CMIP: variants seen among roughly 807,000 people sequenced by gnomAD.
The protein encoded by CMIP is C-Maf-inducing protein.
In CMIP, 13 loss-of-function variants were observed where a neutral mutation model predicts 97.3. That is an observed-to-expected ratio of 0.13 (90% CI 0.09 to 0.21). The LOEUF is 0.21. CMIP is among the 10% of genes least tolerant of loss of function. The pLI is 1.00. For synonymous variants in CMIP, 538 were observed against 436.3 expected (o/e 1.23, Z -2.91); for missense variants, 847 against 1,024.9 (o/e 0.83, Z 2.37).
At chr16:81,539,377 C>A (rs1242401653) in intron 1 of CMIP, among the ~76,000 whole-genome samples, 1 of 152,000 alleles carries the variant, frequency 6.6e-6, no homozygotes, top group Non-Finnish European at 1.5e-5. Flanking sequence ...TTCAGGGGGT[C>A]TTGAAACCAA....
intron 10 of CMIP, among the ~76,000 whole-genome samples, chr16:81,683,756 C>CTTTTTTTTTTTTTTTTTTTTTTTTTTTT (rs71272426): frequency 2.5e-5 from 2 of 81,616 alleles, no homozygotes; most frequent in African/African-American, 5.2e-5. Flanking sequence ...TTTTCTTTTT[C>CTTTTTTTTTTTTTTTTTTTTTTTTTTTT]TTTTTTTTTT....
At chr16:81,682,308 T>G (rs189928177) in intron 10 of CMIP, among the ~76,000 whole-genome samples, 93 of 152,292 alleles carry the variant, frequency 6.1e-4, no homozygotes, top group African/African-American at 2.2e-3. Context: ...CTCACACCTG[T>G]AATCCCAGCA....
intron 20 of CMIP, among the ~76,000 whole-genome samples, chr16:81,708,409 T>C (rs1172495277): frequency 6.6e-6 from 1 of 150,498 alleles, no homozygotes; most frequent in East Asian, 1.9e-4. Flanking sequence ...CTGGATTATC[T>C]TGAGTTCAAA....
chr16:81,706,557 CTG>C (rs1908164749), intron 19 of CMIP, among the ~76,000 whole-genome samples: 1 of 152,238 alleles, frequency 6.6e-6, no homozygotes, highest in African/African-American at 2.4e-5. Context: ...CTCAGCGTCT[CTG>C]GGAGTGGGTG....
chr16:81,655,380 C>T lies in CMIP; in HGVS notation c.640-2395C>T, dbSNP rs1053131466. 1.3e-5 allele frequency among the ~76,000 whole-genome samples: 2 copies of T among 152,150 alleles called. No individual in the cohort carries two copies. The highest frequency in any genetic ancestry group is 2.4e-5 in the African/African-American group (1 of 41,434). ...AGCTGCTAAGGACGCAAAACAGTTC[C>T]GAGAAAGAACTGTCCGTCCACCAGC... is the stretch of plus-strand genomic sequence containing the variant. On this transcript the variant is annotated intron_variant, in intron 4 of 20. Transcript: ENST00000537098. This position sits in a 1 kb window ranked among gnomAD's most constrained non-coding sequence, Gnocchi z 4.9.
chr16:81,599,111 AC>A (rs2091615081), intron 1 of CMIP, among the ~76,000 whole-genome samples: 2 of 152,086 alleles, frequency 1.3e-5, no homozygotes. Context: ...AGACACAGTC[AC>A]CCCAACTCTG....
chr16:81,528,709 C>T (rs568635652), intron 1 of CMIP, among the ~76,000 whole-genome samples: 1 of 152,198 alleles, frequency 6.6e-6, no homozygotes, highest in Non-Finnish European at 1.5e-5. Flanking sequence ...GCTTCTTCCT[C>T]ATGTTGTTAA....
chr16:81,678,308 G>T lies in CMIP; in HGVS notation c.1068G>T (p.Arg356=). Reference sequence around the variant, plus strand: ...ATTCCCCAAGCCTGAAGGAAATCCGGAACGGCTGCCAGCAGCCGTGCGACC... The same window carrying T: ...ATTCCCCAAGCCTGAAGGAAATCCGTAACGGCTGCCAGCAGCCGTGCGACC... ...RDNSPSLKEI[R]NGCQQPCDRK... The change falls in exon 10 of 21, where the codon CGG becomes CGT. Residue 356 remains arginine, a synonymous_variant. Transcript: ENST00000537098. The T allele has an allele frequency of 1.9e-6, 3 of 1,607,302 alleles. No homozygotes were observed. Among genetic ancestry groups the T allele is most frequent in the Non-Finnish European group, 2.5e-6 (3 of 1,176,872 alleles).
At chr16:81,622,583 T>C (rs1043892154) in intron 3 of CMIP, among the ~76,000 whole-genome samples, 1 of 152,058 alleles carries the variant, frequency 6.6e-6, no homozygotes, top group Non-Finnish European at 1.5e-5. Flanking sequence ...CAGCCTTGCA[T>C]TTTCTCTTAG....
intron 1 of CMIP, among the ~76,000 whole-genome samples, chr16:81,475,860 G>A (rs748415242): frequency 5.3e-5 from 8 of 151,886 alleles, no homozygotes; most frequent in African/African-American, 9.7e-5. Context: ...GGTGGGGGGC[G>A]CCTGTAGTCT....
intron 20 of CMIP, 54 bp from the exon 21 acceptor site, chr16:81,709,692 G>C (rs1009280593): frequency 1.4e-5 from 22 of 1,601,468 alleles, no homozygotes; most frequent in African/African-American, 4.0e-5. Flanking sequence ...GGCACTGGCA[G>C]CTTCTGCAAG....
At chr16:81,497,779 C>T (rs995669406) in intron 1 of CMIP, among the ~76,000 whole-genome samples, 1 of 152,242 alleles carries the variant, frequency 6.6e-6, no homozygotes, top group Non-Finnish European at 1.5e-5. Flanking sequence ...CTCTGGGAGC[C>T]TTGGCCGACA....
intron 19 of CMIP, among the ~76,000 whole-genome samples, chr16:81,706,234 G>A (rs1306015079): frequency 6.6e-6 from 1 of 152,362 alleles, no homozygotes; most frequent in East Asian, 1.9e-4. Context: ...TAGACGGGAA[G>A]ACCCGTGGCT....
intron 3 of CMIP, among the ~76,000 whole-genome samples, chr16:81,625,840 A>G (rs1197938214): frequency 1.3e-5 from 2 of 152,190 alleles, no homozygotes; most frequent in Non-Finnish European, 2.9e-5. Flanking sequence ...AGGCCGAGGC[A>G]CACTAGTCCT....
chr16:81,702,276 G>A (rs556730645), intron 16 of CMIP, among the ~76,000 whole-genome samples: 27 of 152,168 alleles, frequency 1.8e-4, no homozygotes, highest in Non-Finnish European at 2.9e-4. Flanking sequence ...CCCCTTCAGT[G>A]AGATATGTTT....
chr16:81,450,901 C>T (rs953163320), intron 1 of CMIP, among the ~76,000 whole-genome samples: 2 of 152,226 alleles, frequency 1.3e-5, no homozygotes, highest in Non-Finnish European at 2.9e-5. Context: ...AGCACTGCTG[C>T]TCATTTCTTG....
intron 1 of CMIP, among the ~76,000 whole-genome samples, chr16:81,515,256 C>T (rs2089889866): frequency 6.6e-6 from 1 of 152,226 alleles, no homozygotes; most frequent in Admixed American, 6.5e-5. Context: ...AGGCTGAACC[C>T]TCTCACCTGT....
chr16:81,605,151 T>C (rs927243008), intron 1 of CMIP, among the ~76,000 whole-genome samples: 1 of 152,138 alleles, frequency 6.6e-6, no homozygotes, highest in African/African-American at 2.4e-5. Flanking sequence ...GGCTGAGTCA[T>C]TTACTGCAGA....
At position 81,504,536 on chromosome 16, in the gene CMIP, G is replaced by A. The variant is rs74752616; in HGVS notation, c.300+58995G>A. The stretch of plus-strand genomic sequence containing the variant: ...TGGGTGCCAGTAATCCCAGCTACTC[G>A]GGAGGCTGAGGCAGGAGAATCGCTT... On this transcript the variant is annotated intron_variant, in intron 1 of 20. Transcript: ENST00000537098. 2.3e-4 allele frequency among the ~76,000 whole-genome samples: 35 copies of A among 151,068 alleles called. No individual in the cohort carries two copies. The East Asian group carries it at 6.6e-3, about 29-fold the overall frequency.
Sources: gnomAD v4.1 joint callset for allele counts (sites outside exome capture counted in the v4.1 genomes callset) on GRCh38, gnomAD v4.1.1 for gene constraint, Gnocchi (gnomAD v3.1) non-coding constraint, MANE v1.5 for transcripts, NCBI Gene and HGNC (gene_info 2026-07-23, HGNC 2026-07-21) for gene names.